The following PPME1 variants were observed in gnomAD, a reference collection of about 807,000 sequenced individuals.
PPME1 encodes testicular secretory protein Li 39.
A neutral mutation model predicts 56.9 loss-of-function variants in PPME1; 17 were observed. The observed-to-expected ratio is 0.30, with a 90% confidence interval of 0.20 to 0.45. PPME1 has a LOEUF of 0.45. Ranked by LOEUF, PPME1 falls within the 20% of genes least tolerant of loss-of-function variation. The pLI is 1.00. For synonymous variants in PPME1, 122 were observed against 156.2 expected, an observed-to-expected ratio of 0.78 and a Z score of 1.63; for missense variants, 357 against 483.2, an observed-to-expected ratio of 0.74 and a Z score of 2.45.
chr11:74,217,532 A>G (rs1858682149), intron 3 of PPME1, among the ~76,000 whole-genome samples: 1 of 124,954 alleles, frequency 8.0e-6, no homozygotes, highest in South Asian at 2.8e-4. Flanking sequence ...ACACAGCAAG[A>G]CTCCGTCTCA....
chr11:74,247,200 T>C lies in PPME1; in HGVS notation c.1009+77T>C. On this transcript the variant is annotated intron_variant, in intron 11 of 13. Transcript: ENST00000328257. ...TAGGGCAGTTAACATCCTGAGATAG[T>C]GAGGTATAACGGAGAAAGCATGAGC... The C allele has an allele frequency of 4.5e-6, 6 of 1,318,956 alleles. No individual in the cohort carries two copies. The Middle Eastern group carries it at 7.3e-4, about 160-fold the overall frequency. 81.7% of individuals were successfully genotyped at this position (1,318,956 alleles called of 1,614,324 possible).
intron 7 of PPME1, chr11:74,235,629 G>A (rs772288788): frequency 2.7e-6 from 1 of 374,494 alleles, no homozygotes; most frequent in South Asian, 3.2e-5. Context: ...TCTCCCTACC[G>A]AATTATGTGC....
At chr11:74,176,785 C>A (rs995299235) in intron 1 of PPME1, among the ~76,000 whole-genome samples, 1 of 135,986 alleles carries the variant, frequency 7.4e-6, no homozygotes, top group Non-Finnish European at 1.5e-5. Context: ...GGATGGAGTG[C>A]AGTGGTGTGA....
Position 74,204,354 on chromosome 11 carries a change from C to G in PPME1, c.197C>G (p.Thr66Ser). The G allele has an allele frequency of 6.2e-7, 1 of 1,608,474 alleles. No individual in the cohort carries two copies. The change falls in exon 3 of 14, where the codon ACT (threonine) becomes AGT (serine). Residue 66 changes from threonine to serine, a missense_variant and splice_region_variant. Physicochemically the swap from Thr to Ser is moderately conservative, Grantham distance 58. Around this residue, in one of 2 missense-constraint regions of PPME1, gnomAD observed 175 missense variants for 189.4 expected, o/e 0.92. Coordinates refer to ENST00000328257, the MANE Select transcript of PPME1 (RefSeq NM_016147.3). ...TGTTTTATCTTTAACTATTCATACA[C>G]TTTTCGAGTCTACAAGAGTGGTTCA... Reference protein sequence around the residue: ...VEVENETGKDTFRVYKSGSEG... With the variant: ...VEVENETGKDSFRVYKSGSEG...
At chr11:74,190,612 C>T (rs1311679190) in intron 1 of PPME1, among the ~76,000 whole-genome samples, 1 of 152,142 alleles carries the variant, frequency 6.6e-6, no homozygotes, top group Non-Finnish European at 1.5e-5. Flanking sequence ...ATGGACAACA[C>T]AGAAAATTGA....
chr11:74,247,240 C>A, intron 11 of PPME1, 117 bp downstream of exon 11: 2 of 791,742 alleles, frequency 2.5e-6, no homozygotes, highest in Non-Finnish European at 2.0e-6. Context: ...GAGTCCGACC[C>A]AAGTTGGACA....
At chr11:74,185,823 C>T (rs576799154) in intron 1 of PPME1, among the ~76,000 whole-genome samples, 1 of 152,208 alleles carries the variant, frequency 6.6e-6, no homozygotes, top group African/African-American at 2.4e-5. Context: ...CCCTGTGCTA[C>T]AGCAGTCTGT....
At chr11:74,211,318 G>A (rs1167715219) in intron 3 of PPME1, among the ~76,000 whole-genome samples, 1 of 151,838 alleles carries the variant, frequency 6.6e-6, no homozygotes, top group Admixed American at 6.6e-5. Flanking sequence ...TAAATGCCTA[G>A]GAATAACCAA....
chr11:74,199,265 C>G (rs1858080940), intron 1 of PPME1, among the ~76,000 whole-genome samples: 1 of 152,184 alleles, frequency 6.6e-6, no homozygotes, highest in South Asian at 2.1e-4. Context: ...TTTGAACATT[C>G]ACTGCACTTC....
chr11:74,233,864 C>T (rs1160226533), intron 7 of PPME1, among the ~76,000 whole-genome samples: 2 of 152,114 alleles, frequency 1.3e-5, no homozygotes, highest in African/African-American at 4.8e-5. Context: ...GCTTTGAGGT[C>T]AGACAGATAC....
intron 1 of PPME1, among the ~76,000 whole-genome samples, chr11:74,185,813 C>G (rs1294994139): frequency 6.6e-6 from 1 of 152,150 alleles, no homozygotes. Context: ...CACCTGTTCT[C>G]CCTGTGCTAC....
chr11:74,242,647 G>A (rs561468715), intron 9 of PPME1, among the ~76,000 whole-genome samples: 31 of 152,018 alleles, frequency 2.0e-4, no homozygotes, highest in African/African-American at 7.2e-4. Flanking sequence ...TTGGGAGGCC[G>A]AGGTGGGTGG....
intron 1 of PPME1, among the ~76,000 whole-genome samples, chr11:74,195,073 C>T (rs996023253): frequency 6.6e-6 from 1 of 152,150 alleles, no homozygotes; most frequent in Admixed American, 6.5e-5. Flanking sequence ...AGAAGTTTTA[C>T]AGAATTCAAA....
intron 9 of PPME1, among the ~76,000 whole-genome samples, chr11:74,242,898 A>C (rs1034477049): frequency 6.7e-5 from 10 of 148,212 alleles, no homozygotes; most frequent in African/African-American, 2.4e-4. Context: ...AAAAAAAAAA[A>C]AAAAACAGGC....
chr11:74,251,069 G>A (rs1859646299), intron 12 of PPME1, 51 bp downstream of exon 12: 1 of 1,553,808 alleles, frequency 6.4e-7, no homozygotes, highest in Admixed American at 1.9e-5. Context: ...GAATAACCCT[G>A]GATGTCACAG....
intron 1 of PPME1, among the ~76,000 whole-genome samples, chr11:74,188,280 C>T (rs1437233220): frequency 2.0e-5 from 3 of 151,572 alleles, no homozygotes; most frequent in Non-Finnish European, 2.9e-5. Context: ...CTCCGCCTCC[C>T]GGTTTCAAGC....
chr11:74,204,751 T>C, intron 3 of PPME1: 1 of 209,118 alleles, frequency 4.8e-6, no homozygotes, highest in East Asian at 1.0e-4. Context: ...AATTTAAAAA[T>C]GTTAAAAAAG....
chr11:74,249,074 G>A (rs1204507336), intron 11 of PPME1: 1 of 152,210 alleles, frequency 6.6e-6, no homozygotes, highest in Non-Finnish European at 1.5e-5. Context: ...TATTCAGGAA[G>A]TAATCACGAT....
intron 4 of PPME1, 111 bp downstream of exon 4, chr11:74,222,480 C>T: frequency 1.0e-6 from 1 of 961,464 alleles, no homozygotes; most frequent in Non-Finnish European, 1.6e-6. Context: ...TGGTCTATTC[C>T]ATTTGAGCTT....
Sources: gnomAD v4.1 joint callset for allele counts (sites outside exome capture counted in the v4.1 genomes callset) on GRCh38, gnomAD v4.1.1 for gene constraint, gnomAD v4.1.1 regional missense constraint, MANE v1.5 for transcripts, NCBI Gene and HGNC (gene_info 2026-07-23, HGNC 2026-07-21) for gene names.